The following VAV1 variants were observed in gnomAD, a reference collection of about 807,000 sequenced individuals.
VAV1 encodes the protein vav guanine nucleotide exchange factor 1, also known as proto-oncogene vav.
VAV1 carries 33 observed loss-of-function variants against 128.1 expected under a neutral mutation model. That is an observed-to-expected ratio of 0.26 (90% CI 0.20 to 0.34). VAV1 has a LOEUF of 0.34. VAV1 is among the 10% of genes least tolerant of loss of function. The probability of loss-of-function intolerance (pLI) is 1.00; values close to 1 mark genes in which losing one functional copy is unlikely to be tolerated. For missense variants in VAV1, 715 were observed against 1,093.7 expected (o/e 0.65, Z 4.88); for synonymous variants, 394 against 409.8 (o/e 0.96, Z 0.47).
chr19:6,787,239 G>A (rs921440967), intron 1 of VAV1, among the ~76,000 whole-genome samples: 11 of 151,694 alleles, frequency 7.3e-5, no homozygotes, highest in Admixed American at 5.9e-4. Flanking sequence ...GCAGTGGTGC[G>A]ATCTTGGCTC....
At chr19:6,816,822 G>A (rs1971666900) in intron 1 of VAV1, among the ~76,000 whole-genome samples, 1 of 151,738 alleles carries the variant, frequency 6.6e-6, no homozygotes, top group African/African-American at 2.4e-5. Context: ...AAATCAGCTG[G>A]ACGTGGTGGC....
Position 6,850,651 on chromosome 19 carries a change from G to A in VAV1, c.2130-19G>A, listed in dbSNP as rs199653383. 3.8e-5 allele frequency: 61 copies of A among 1,613,308 alleles called. No individual in the cohort carries two copies. Among genetic ancestry groups the A allele is most frequent in the Middle Eastern group, 1.7e-4 (1 of 6,060 alleles). ...GGCCTGGTCCCCAGACTCAGGGCCCGGTGACCATCTGGTTCCAGATATAAC... is the reference window on the plus strand; with the variant it reads ...GGCCTGGTCCCCAGACTCAGGGCCCAGTGACCATCTGGTTCCAGATATAAC... On this transcript the variant is annotated intron_variant, in intron 23 of 26. Coordinates refer to ENST00000602142, the MANE Select transcript of VAV1 (RefSeq NM_005428.4).
At chr19:6,787,727 G>A (rs1024615826) in intron 1 of VAV1, among the ~76,000 whole-genome samples, 11 of 151,932 alleles carry the variant, frequency 7.2e-5, no homozygotes, top group Non-Finnish European at 1.5e-4. Context: ...TTCCCAAGTA[G>A]TTGGGACTAA....
chr19:6,854,541 C>T (rs1001359947), intron 26 of VAV1, among the ~76,000 whole-genome samples: 1 of 151,784 alleles, frequency 6.6e-6, no homozygotes, highest in Non-Finnish European at 1.5e-5. Flanking sequence ...AGTGAGATCC[C>T]ACCTCTACAT....
chr19:6,853,597 G>A (rs1972719344), intron 25 of VAV1, among the ~76,000 whole-genome samples: 1 of 151,842 alleles, frequency 6.6e-6, no homozygotes, highest in Admixed American at 6.6e-5. Context: ...CGGGCATGGT[G>A]GCACAGGCCT....
chr19:6,797,952 C>A lies in VAV1; in HGVS notation c.205-22750C>A, dbSNP rs190529141. 1.2e-3 allele frequency among the ~76,000 whole-genome samples: 182 copies of A among 150,954 alleles called. 2 individuals are homozygous for A. In the East Asian group the frequency reaches 0.032, roughly 26 times the overall value. On this transcript the variant is annotated intron_variant, in intron 1 of 26. Coordinates refer to ENST00000602142, the MANE Select transcript of VAV1 (RefSeq NM_005428.4). ...TCCTGCTGACTTAAAAAAAAAAAAA[C>A]CAGCTATATTGACATACAGTAAATT... is the stretch of plus-strand genomic sequence containing the variant.
chr19:6,774,641 G>A (rs1269780434), intron 1 of VAV1, among the ~76,000 whole-genome samples: 1 of 149,460 alleles, frequency 6.7e-6, no homozygotes, highest in Admixed American at 6.7e-5. Flanking sequence ...CACTATGTTG[G>A]CCAGGCTAGT....
chr19:6,827,962 C>A, intron 9 of VAV1, 114 bp from the exon 10 acceptor site: 1 of 846,318 alleles, frequency 1.2e-6, no homozygotes, highest in Non-Finnish European at 1.9e-6. Context: ...AAAATTCCCA[C>A]AGCTCTGGGG....
chr19:6,844,436 C>G (rs868200823), intron 22 of VAV1, among the ~76,000 whole-genome samples: 1 of 152,010 alleles, frequency 6.6e-6, no homozygotes, highest in African/African-American at 2.4e-5. Context: ...AGGCTGGTCT[C>G]GAACTCCTGA....
chr19:6,829,351 TA>T (rs1366455801), intron 13 of VAV1, among the ~76,000 whole-genome samples: 1 of 128,188 alleles, frequency 7.8e-6, no homozygotes, highest in African/African-American at 3.0e-5. Context: ...AGAGCCTGGA[TA>T]GGGGCGTGGC....
chr19:6,780,457 C>G (rs1333266346), intron 1 of VAV1, among the ~76,000 whole-genome samples: 4 of 150,844 alleles, frequency 2.7e-5, no homozygotes, highest in African/African-American at 9.7e-5. Flanking sequence ...GCATACTGCA[C>G]ACCTGGGCTA....
At position 6,854,019 on chromosome 19, in the gene VAV1, C is replaced by T. The variant is rs1599686693; in HGVS notation, c.2405C>T (p.Ser802Leu). ...TGCGCCCGAGACCGATCAGAGCTGT[C>T]GCTCAAGGAGGGTGACATCATCAAG... is the stretch of plus-strand genomic sequence containing the variant. ...DFCARDRSEL[S>L]LKEGDIIKIL... Residue 802 changes from serine to leucine, a missense_variant, in exon 26 of 27, where the codon TCG becomes TTG. Physicochemically the swap from Ser to Leu is moderately radical, Grantham distance 145. Around this residue, in one of 3 missense-constraint regions of VAV1, gnomAD observed 407 missense variants for 580.6 expected, o/e 0.70. Coordinates refer to ENST00000602142, the MANE Select transcript of VAV1 (RefSeq NM_005428.4). The T allele has an allele frequency of 1.2e-6, 2 of 1,613,934 alleles. No individual in the cohort carries two copies. Among genetic ancestry groups the T allele is most frequent in the African/African-American group, 1.3e-5 (1 of 75,048 alleles).
intron 1 of VAV1, among the ~76,000 whole-genome samples, chr19:6,819,905 G>A (rs531038452): frequency 6.6e-6 from 1 of 152,282 alleles, no homozygotes; most frequent in African/African-American, 2.4e-5. Context: ...CTCAAAAGCT[G>A]GGGCCATGTT....
At chr19:6,833,481 G>A (rs766403969) in intron 16 of VAV1, 47 bp from the exon 17 acceptor site, 44 of 1,532,428 alleles carry the variant, frequency 2.9e-5, no homozygotes, top group Non-Finnish European at 3.8e-5. Context: ...ATTTGGCCCT[G>A]TCTGTAAAGG....
chr19:6,792,325 T>C (rs1971035360), intron 1 of VAV1, among the ~76,000 whole-genome samples: 1 of 146,506 alleles, frequency 6.8e-6, no homozygotes, highest in Admixed American at 6.8e-5. Flanking sequence ...AGGGTGGAGG[T>C]GGATGAAAAG....
chr19:6,784,268 A>G (rs1246847038), intron 1 of VAV1: 9 of 596,604 alleles, frequency 1.5e-5, no homozygotes, highest in African/African-American at 5.5e-5. Context: ...AAATATATCT[A>G]TGCAGGTCTG....
At chr19:6,782,780 G>T (rs184235761) in intron 1 of VAV1, among the ~76,000 whole-genome samples, 4 of 151,996 alleles carry the variant, frequency 2.6e-5, no homozygotes, top group Non-Finnish European at 5.9e-5. Flanking sequence ...TACCTAGGAC[G>T]CTGAGGCAGG....
At chr19:6,821,706 C>G in intron 3 of VAV1, 26 bp downstream of exon 3, 5 of 1,614,142 alleles carry the variant, frequency 3.1e-6, no homozygotes, top group Non-Finnish European at 4.2e-6. Flanking sequence ...GGCCTTGGGC[C>G]ATTTAGCCCC....
At chr19:6,833,886 C>A in intron 18 of VAV1, 22 bp from the exon 19 acceptor site, 1 of 1,614,076 alleles carries the variant, frequency 6.2e-7, no homozygotes. Context: ...GGTAGACAGG[C>A]TTTCTTTGTT....
Sources: allele counts gnomAD v4.1 joint callset (sites outside exome capture counted in the v4.1 genomes callset), GRCh38; gene constraint gnomAD v4.1.1; regional missense constraint gnomAD v4.1.1; transcripts MANE v1.5; gene names NCBI Gene and HGNC (gene_info 2026-07-23, HGNC 2026-07-21).